Variants in NEMF observed in about 807,000 individuals in gnomAD.
The protein encoded by NEMF is nuclear export mediator factor.
In NEMF, 89 loss-of-function variants were observed where a neutral mutation model predicts 162.2. The ratio of observed to expected loss-of-function variants is 0.55; its 90% confidence interval spans 0.46 to 0.65. The LOEUF (loss-of-function observed/expected upper bound fraction) is 0.65. NEMF is among the 30% of genes least tolerant of loss of function. NEMF has a pLI of 0.00. For missense variants in NEMF, 1,133 were observed against 1,261.9 expected (o/e 0.90, Z 1.55); for synonymous variants, 421 against 404.5 (o/e 1.04, Z -0.49).
At chr14:49,785,183 T>A in intron 30 of NEMF, 37 bp downstream of exon 30, 1 of 1,604,800 alleles carries the variant, frequency 6.2e-7, no homozygotes, top group South Asian at 1.1e-5. Context: ...TACAAAACAA[T>A]TCACAAAAGC....
intron 1 of NEMF, 117 bp downstream of exon 1, chr14:49,852,578 G>T: frequency 8.9e-7 from 1 of 1,126,990 alleles, no homozygotes; most frequent in Non-Finnish European, 1.3e-6. Context: ...GCCTAGGCAG[G>T]TCCATAGACG....
rs565810768 is a variant in NEMF at position 49,811,806 on chromosome 14, T to C, written c.1744+2182A>G. ...ATAAATTACGCTTTGTCATCGTATA[T>C]AGTCATTTTAATATGCTGCTAGATT... On this transcript the variant is annotated intron_variant, in intron 18 of 32. Transcript: ENST00000298310. Among the ~76,000 whole-genome samples the C allele has an allele frequency of 3.3e-4, 51 of 152,350 alleles. 2 individuals are homozygous for C. The South Asian group carries it at 9.7e-3, about 29-fold the overall frequency.
At chr14:49,806,952 T>A (rs1424158915) in intron 18 of NEMF, among the ~76,000 whole-genome samples, 1 of 152,238 alleles carries the variant, frequency 6.6e-6, no homozygotes, top group Non-Finnish European at 1.5e-5. Flanking sequence ...TTCATAATGC[T>A]GTGTGACCAT....
intron 6 of NEMF, among the ~76,000 whole-genome samples, chr14:49,835,811 G>A (rs938692736): frequency 6.6e-6 from 1 of 152,174 alleles, no homozygotes; most frequent in Non-Finnish European, 1.5e-5. Context: ...AGTTTATCAG[G>A]TTTGCAGGAT....
intron 19 of NEMF, among the ~76,000 whole-genome samples, chr14:49,804,166 G>A (rs527532669): frequency 8.6e-5 from 13 of 150,416 alleles, no homozygotes; most frequent in South Asian, 6.4e-4. Context: ...CACCACGCCC[G>A]GCTAATTTTT....
At chr14:49,791,168 G>A (rs955405996) in intron 26 of NEMF, among the ~76,000 whole-genome samples, 1 of 150,060 alleles carries the variant, frequency 6.7e-6, no homozygotes, top group East Asian at 2.0e-4. Flanking sequence ...AACCCCGTCT[G>A]TACTAAAAAT....
At chr14:49,812,612 T>C (rs1437375608) in intron 18 of NEMF, among the ~76,000 whole-genome samples, 4 of 152,214 alleles carry the variant, frequency 2.6e-5, no homozygotes, top group East Asian at 1.9e-4. Context: ...ATTTCGTTCA[T>C]CTCAAAGTGT....
Position 49,846,127 on chromosome 14 carries a change from A to G in NEMF, c.357+13T>C. 6.2e-7 allele frequency: 1 copy of G among 1,608,816 alleles called. No individual in the cohort carries two copies. Among genetic ancestry groups the G allele is most frequent in the South Asian group, 1.1e-5 (1 of 90,368 alleles). Reference sequence around the variant, plus strand: ...GAAATTTTCCTTCACCATATCCCACAAATTTAACTTACCCTATCATAGAGC... The same window carrying G: ...GAAATTTTCCTTCACCATATCCCACGAATTTAACTTACCCTATCATAGAGC... On this transcript the variant is annotated intron_variant, in intron 4 of 32. Transcript: ENST00000298310.
intron 6 of NEMF, among the ~76,000 whole-genome samples, chr14:49,834,856 G>C (rs561090889): frequency 6.6e-6 from 1 of 152,316 alleles, no homozygotes; most frequent in Non-Finnish European, 1.5e-5. Context: ...ACAGTGGCTG[G>C]TGAAAACAAT....
intron 28 of NEMF, among the ~76,000 whole-genome samples, chr14:49,788,096 T>G (rs1890261942): frequency 6.6e-6 from 1 of 152,058 alleles, no homozygotes; most frequent in Admixed American, 6.5e-5. Context: ...CTGGCCAACA[T>G]GGTGAAACCC....
chr14:49,806,230 G>GTATATATATATATATATA (rs1219496185), intron 18 of NEMF, 97 bp from the exon 19 acceptor site: 2 of 104,316 alleles, frequency 1.9e-5, no homozygotes, highest in African/African-American at 3.3e-4. Context: ...TCAATGATAT[G>GTATATATATATATATATA]TGTATATATA....
Position 49,782,977 on chromosome 14 carries a change from T to A in NEMF, c.*1659A>T. The A allele has an allele frequency of 6.2e-7, 1 of 1,606,400 alleles. No homozygotes were observed. Among genetic ancestry groups the A allele is most frequent in the Non-Finnish European group, 8.5e-7 (1 of 1,176,094 alleles). On this transcript the variant is annotated 3_prime_UTR_variant, in exon 33 of 33. Coordinates refer to ENST00000298310, the MANE Select transcript of NEMF (RefSeq NM_004713.6). Reference sequence around the variant, plus strand: ...AAGGCTTCATAAATAATGCCTATGATCACCTTGCATGGACAGCAATCCTGT... The same window carrying A: ...AAGGCTTCATAAATAATGCCTATGAACACCTTGCATGGACAGCAATCCTGT...
intron 2 of NEMF, 22 bp downstream of exon 2, chr14:49,851,785 T>A (rs761461695): frequency 1.3e-6 from 2 of 1,485,182 alleles, no homozygotes; most frequent in Non-Finnish European, 1.9e-6. Flanking sequence ...AAAGAGAAAA[T>A]AAGCCTATAA....
chr14:49,785,019 AAG>A lies in NEMF; in HGVS notation c.3074-17_3074-16del, dbSNP rs1210735400. ...TGTTTTTGCAGCTGTAAATACAAAA[AAG>A]AGTAAGAATAATCTACTGTTAAGTC... is the stretch of plus-strand genomic sequence containing the variant. On this transcript the variant is annotated splice_polypyrimidine_tract_variant and intron_variant, in intron 31 of 32. Coordinates refer to ENST00000298310, the MANE Select transcript of NEMF (RefSeq NM_004713.6). 1.9e-6 allele frequency: 3 copies of A among 1,611,610 alleles called. No homozygotes were observed. The highest frequency in any genetic ancestry group is 2.5e-6 in the Non-Finnish European group (3 of 1,178,002).
Position 49,818,136 on chromosome 14 carries a change from G to A in NEMF, c.1578-3279C>T, listed in dbSNP as rs999257384. ...AGAGTCTCGCACTGTCACCCAGACT[G>A]GAGTGCAGTGGCCCGATCTCGGCTC... On this transcript the variant is annotated intron_variant, in intron 16 of 32. Transcript: ENST00000298310. 3.4e-5 allele frequency among the ~76,000 whole-genome samples: 5 copies of A among 146,846 alleles called. No homozygotes were observed. In the South Asian group the frequency reaches 1.1e-3, roughly 31 times the overall value.
At chr14:49,799,253 C>CTTACTCTA (rs1262500879) in intron 25 of NEMF, among the ~76,000 whole-genome samples, 2 of 128,548 alleles carry the variant, frequency 1.6e-5, no homozygotes, top group Non-Finnish European at 3.2e-5. Context: ...TAAGTGAGGA[C>CTTACTCTA]TTACTCTACT....
At chr14:49,804,620 C>G (rs890328842) in intron 19 of NEMF, among the ~76,000 whole-genome samples, 18 of 149,988 alleles carry the variant, frequency 1.2e-4, no homozygotes, top group Middle Eastern at 3.6e-3. Context: ...GAGCCGAGAT[C>G]ACGCCATTGC....
At chr14:49,801,102 G>T (rs138371999) in intron 22 of NEMF, 11 of 185,000 alleles carry the variant, frequency 5.9e-5, no homozygotes, top group South Asian at 1.2e-4. Flanking sequence ...TCTGCAAAAG[G>T]AACACTGTCT....
intron 16 of NEMF, among the ~76,000 whole-genome samples, chr14:49,822,161 C>A (rs1218594955): frequency 6.6e-6 from 1 of 152,042 alleles, no homozygotes; most frequent in African/African-American, 2.4e-5. Context: ...TACCTAGGGA[C>A]ACAAACACTC....
Sources: allele counts gnomAD v4.1 joint callset (sites outside exome capture counted in the v4.1 genomes callset), GRCh38; gene constraint gnomAD v4.1.1; transcripts MANE v1.5; gene names NCBI Gene and HGNC (gene_info 2026-07-23, HGNC 2026-07-21).